The following MECR variants were observed in gnomAD, a reference collection of about 807,000 sequenced individuals.
MECR encodes the protein mitochondrial trans-2-enoyl-CoA reductase.
A neutral mutation model predicts 49.1 loss-of-function variants in MECR; 37 were observed. The observed-to-expected ratio is 0.75, with a 90% CI of 0.58 to 0.99. MECR has a LOEUF of 0.99. MECR is among the 50% of genes least tolerant of loss of function. The probability of loss-of-function intolerance (pLI) is 0.00; values close to 1 mark genes in which losing one functional copy is unlikely to be tolerated. For synonymous variants in MECR, 198 were observed against 191.1 expected (o/e 1.04, Z -0.30); for missense variants, 470 against 479.6 (o/e 0.98, Z 0.19).
the MECR span, among the ~76,000 whole-genome samples, chr1:29,179,333 T>C: frequency 6.6e-6 from 1 of 152,186 alleles, no homozygotes; most frequent in South Asian, 2.1e-4. Context: ...ATTTTTTCCC[T>C]ATTCATCAAA....
chr1:29,186,158 C>T, the MECR span, among the ~76,000 whole-genome samples: 1 of 152,244 alleles, frequency 6.6e-6, no homozygotes, highest in African/African-American at 2.4e-5. Context: ...CCACCATCAG[C>T]GAGGTGCCAA....
intron 4 of MECR, among the ~76,000 whole-genome samples, chr1:29,204,235 C>A (rs1212247611): frequency 6.6e-6 from 1 of 151,792 alleles, no homozygotes; most frequent in Non-Finnish European, 1.5e-5. Flanking sequence ...AAAAAAAGTG[C>A]CCCCGATTAG....
Position 29,193,994 on chromosome 1 carries a change from C to G in MECR, c.*28G>C. 1 of 1,613,498 alleles carries G rather than the reference C, an allele frequency of 6.2e-7. No homozygotes were observed. The highest frequency in any genetic ancestry group is 8.5e-7 in the Non-Finnish European group (1 of 1,179,916). On this transcript the variant is annotated 3_prime_UTR_variant, in exon 10 of 10. Transcript: ENST00000263702. ...CAGCCCCTCAGATCCGCCTCCCCTC[C>G]CATGTCACTCCAGCTCTTTTGGGAT...
At chr1:29,207,387 T>C (rs1442642830) in intron 3 of MECR, among the ~76,000 whole-genome samples, 9 of 152,124 alleles carry the variant, frequency 5.9e-5, no homozygotes, top group Non-Finnish European at 8.8e-5. Context: ...CCCAAAGTGC[T>C]GGGATTACAC....
At chr1:29,217,350 G>C (rs1034681678) in intron 1 of MECR, among the ~76,000 whole-genome samples, 3 of 150,454 alleles carry the variant, frequency 2.0e-5, no homozygotes, top group African/African-American at 7.3e-5. Flanking sequence ...GCTGGGACTA[G>C]AGGTGCCTGC....
At chr1:29,204,234 G>A (rs527593119) in intron 4 of MECR, among the ~76,000 whole-genome samples, 67 of 151,982 alleles carry the variant, frequency 4.4e-4, no homozygotes, top group African/African-American at 1.6e-3. Context: ...AAAAAAAAGT[G>A]CCCCCGATTA....
At position 29,206,890 on chromosome 1, in the gene MECR, T is replaced by C; in HGVS notation, c.422A>G (p.Glu141Gly). 1 of 1,614,130 alleles carries C rather than the reference T, an allele frequency of 6.2e-7. No homozygotes were observed. The highest frequency in any genetic ancestry group is 8.5e-7 in the Non-Finnish European group (1 of 1,180,002). Residue 141 changes from glutamate (E) to glycine (G), a missense_variant, in exon 4 of 10, where the codon GAG (glutamate) becomes GGG (glycine). By Grantham distance (98) the Glu-to-Gly change is moderately conservative (BLOSUM62 -2). Coordinates refer to ENST00000263702, the MANE Select transcript of MECR (RefSeq NM_016011.5). ...ANAGLGTWRT[E>G]AVFSEEALIQ... Reference sequence around the variant, plus strand: ...CAGTGCTTCCTCGCTGAACACAGCCTCGGTCCGCCAGGTTCCTGAGTCAGA... The same window carrying C: ...CAGTGCTTCCTCGCTGAACACAGCCCCGGTCCGCCAGGTTCCTGAGTCAGA...
At chr1:29,212,612 G>A (rs1020583685) in intron 3 of MECR, among the ~76,000 whole-genome samples, 1 of 152,014 alleles carries the variant, frequency 6.6e-6, no homozygotes, top group Admixed American at 6.6e-5. Context: ...CCAGCCCTAC[G>A]ACACTGTCTT....
chr1:29,222,471 A>G (rs557996443), intron 1 of MECR, among the ~76,000 whole-genome samples: 11 of 152,174 alleles, frequency 7.2e-5, no homozygotes, highest in African/African-American at 2.6e-4. Flanking sequence ...TTCTGACTAC[A>G]CGTTAGTCAT....
In MECR at chr1:29,194,116, G is replaced by A; in HGVS notation, c.1028C>T (p.Pro343Leu). The A allele has an allele frequency of 6.2e-7, 1 of 1,614,176 alleles. No individual in the cohort carries two copies. Among genetic ancestry groups the A allele is most frequent in the Non-Finnish European group, 8.5e-7 (1 of 1,180,024 alleles). The part of the protein sequence containing the change: ...DLIRRGQLTA[P>L]ACSQVPLQDY... ...CTGCAGCGGGACCTGGGAGCAGGCA[G>A]GGGCTGTGAGCTGGCCTCGGCGGAT... The change falls in exon 10 of 10, where the codon CCT becomes CTT. Residue 343 changes from proline to leucine, a missense_variant. Pro to Leu is a moderately conservative substitution (Grantham distance 98). Transcript: ENST00000263702.
At chr1:29,207,041 T>C in intron 3 of MECR, 136 bp from the exon 4 acceptor site, 1 of 909,188 alleles carries the variant, frequency 1.1e-6, no homozygotes, top group Non-Finnish European at 1.7e-6. Flanking sequence ...GCATCCAGGA[T>C]GTTTAGAAAA....
At chr1:29,203,283 A>G (rs1442204898) in intron 4 of MECR, 50 bp from the exon 5 acceptor site, 1 of 1,419,664 alleles carries the variant, frequency 7.0e-7, no homozygotes, top group Non-Finnish European at 9.7e-7. Flanking sequence ...GATCTGCAAT[A>G]GGTCAAAGGC....
Position 29,193,932 on chromosome 1 carries a change from T to C in MECR, c.*90A>G. On this transcript the variant is annotated 3_prime_UTR_variant, in exon 10 of 10. Coordinates refer to ENST00000263702, the MANE Select transcript of MECR (RefSeq NM_016011.5). ...AGAGGCAGTGAGGAGAACAGTAGTC[T>C]GGGGAAGGTGGGAGCCCCAACTGAG... The C allele has an allele frequency of 6.8e-7, 1 of 1,478,968 alleles. No individual in the cohort carries two copies. The highest frequency in any genetic ancestry group is 9.3e-7 in the Non-Finnish European group (1 of 1,080,742). The allele number at this position is 1,478,968 out of a possible 1,614,324, so 91.6% of individuals were successfully genotyped here.
At chr1:29,167,776 T>C in the MECR span, among the ~76,000 whole-genome samples, 1 of 152,358 alleles carries the variant, frequency 6.6e-6, no homozygotes, top group African/African-American at 2.4e-5. Flanking sequence ...AAGGCTAATA[T>C]CTGTTGGCTA....
At chr1:29,203,612 T>C (rs897066277) in intron 4 of MECR, among the ~76,000 whole-genome samples, 1 of 152,226 alleles carries the variant, frequency 6.6e-6, no homozygotes, top group Admixed American at 6.5e-5. Context: ...CCTATTGAAA[T>C]CCTGTAGATC....
At chr1:29,215,172 CA>C (rs1558476183) in intron 3 of MECR, among the ~76,000 whole-genome samples, 1 of 152,208 alleles carries the variant, frequency 6.6e-6, no homozygotes, top group African/African-American at 2.4e-5. Context: ...CTCCCATATG[CA>C]AACCCTCTGC....
chr1:29,198,192 C>T (rs1674461079), intron 7 of MECR, among the ~76,000 whole-genome samples: 2 of 152,200 alleles, frequency 1.3e-5, no homozygotes, highest in East Asian at 1.9e-4. Flanking sequence ...TGGCCATGCT[C>T]GCTCACCCAC....
At chr1:29,204,259 G>A (rs1453703417) in intron 4 of MECR, among the ~76,000 whole-genome samples, 1 of 151,816 alleles carries the variant, frequency 6.6e-6, no homozygotes, top group Non-Finnish European at 1.5e-5. Context: ...CAAATGCATC[G>A]TGTCCGGGAA....
chr1:29,215,851 A>G (rs1036270865), intron 3 of MECR, among the ~76,000 whole-genome samples, 154 bp downstream of exon 3: 1 of 152,182 alleles, frequency 6.6e-6, no homozygotes, highest in Non-Finnish European at 1.5e-5. Flanking sequence ...AGCCTGGGCA[A>G]TAAGAGCAAA....
Sources: gnomAD v4.1 joint callset for allele counts (sites outside exome capture counted in the v4.1 genomes callset) on GRCh38, gnomAD v4.1.1 for gene constraint, MANE v1.5 for transcripts, NCBI Gene and HGNC (gene_info 2026-07-23, HGNC 2026-07-21) for gene names.